The following UPB1 variants were observed in gnomAD, a reference collection of about 807,000 sequenced individuals.
UPB1 encodes beta-ureidopropionase.
Under a neutral mutation model 49.1 loss-of-function variants are expected in UPB1, and 40 were observed. That is an observed-to-expected ratio of 0.81 (90% CI 0.63 to 1.06). The LOEUF (loss-of-function observed/expected upper bound fraction) is 1.06. Ranked by LOEUF, UPB1 falls within the 50% of genes least tolerant of loss-of-function variation. The pLI is 0.00. For missense variants in UPB1, 499 were observed against 505.9 expected (o/e 0.99, Z 0.13); for synonymous variants, 207 against 198.2 (o/e 1.04, Z -0.38).
chr22:24,523,595 A>T, intron 8 of UPB1, 24 bp from the exon 9 acceptor site: 1 of 1,614,056 alleles, frequency 6.2e-7, no homozygotes, highest in Non-Finnish European at 8.5e-7. Context: ...AAGCTCACAG[A>T]TGTGTTTCTT....
At chr22:24,521,117 G>T (rs539957189) in intron 7 of UPB1, among the ~76,000 whole-genome samples, 6 of 150,034 alleles carry the variant, frequency 4.0e-5, no homozygotes, top group African/African-American at 1.5e-4. Context: ...AGGAGGCAGA[G>T]GTTGCAGTAA....
rs1296082673 is a variant in UPB1, at chr22:24,504,949, C to CAGATTTG, written c.364+2738_364+2739insATTTGAG. ...TTGTAAAGATGAGATCTGTGTTGCC[C>CAGATTTG]AGGCAGGTCTCAAATTCCTGGGCCC... On this transcript the variant is annotated intron_variant, in intron 3 of 9. Transcript: ENST00000326010. Among the ~76,000 whole-genome samples, 6 of 147,588 alleles carry CAGATTTG rather than the reference C, an allele frequency of 4.1e-5. No homozygotes were observed. In the East Asian group the frequency reaches 1.2e-3, roughly 29 times the overall value.
chr22:24,523,584 C>T (rs561120608), intron 8 of UPB1, 35 bp from the exon 9 acceptor site: 1 of 1,613,906 alleles, frequency 6.2e-7, no homozygotes, highest in Non-Finnish European at 8.5e-7. Flanking sequence ...TGCATCTACA[C>T]AAGCTCACAG....
chr22:24,495,343 C>G lies in UPB1; in HGVS notation c.-61C>G, dbSNP rs575811957. ...GCCTGACCGGGCCTGGGCACCTCCT[C>G]CCACTGCGGGCAAAGGGCAGGCAGT... On this transcript the variant is annotated 5_prime_UTR_variant, in exon 1 of 10. Coordinates refer to ENST00000326010, the MANE Select transcript of UPB1 (RefSeq NM_016327.3). 6 of 1,582,600 alleles carry G rather than the reference C, an allele frequency of 3.8e-6. No homozygotes were observed. The highest frequency in any genetic ancestry group is 5.2e-6 in the Non-Finnish European group (6 of 1,158,090).
chr22:24,518,867 T>A (rs548803900), intron 6 of UPB1, among the ~76,000 whole-genome samples: 1 of 152,158 alleles, frequency 6.6e-6, no homozygotes, highest in Non-Finnish European at 1.5e-5. Flanking sequence ...TTTTTAGGGG[T>A]GTGTGTGCAC....
At chr22:24,503,260 A>C (rs544730591) in intron 3 of UPB1, 27 of 152,318 alleles carry the variant, frequency 1.8e-4, no homozygotes, top group Admixed American at 1.6e-3. Flanking sequence ...ATCTCCTCCA[A>C]GGAATCTGCC....
chr22:24,509,262 C>A (rs898065635), intron 3 of UPB1, among the ~76,000 whole-genome samples: 1 of 151,378 alleles, frequency 6.6e-6, no homozygotes, highest in African/African-American at 2.4e-5. Flanking sequence ...CCAGCGGAGT[C>A]CCCTCCATCC....
At chr22:24,499,369 G>A (rs1246036336) in intron 1 of UPB1, among the ~76,000 whole-genome samples, 1 of 152,204 alleles carries the variant, frequency 6.6e-6, no homozygotes, top group African/African-American at 2.4e-5. Context: ...CCATGCCTCT[G>A]TGGCTTTCAC....
chr22:24,521,471 G>A (rs760527488), intron 7 of UPB1, among the ~76,000 whole-genome samples: 8 of 152,112 alleles, frequency 5.3e-5, no homozygotes, highest in East Asian at 1.9e-4. Flanking sequence ...ATGAAACTCC[G>A]TCTCCAAAAT....
rs753442714 is a variant in UPB1, at chr22:24,495,350, C to T, written c.-54C>T. The T allele has an allele frequency of 5.0e-5, 80 of 1,593,464 alleles. No individual in the cohort carries two copies. In the Middle Eastern group the frequency reaches 7.0e-4, roughly 14 times the overall value. ...CGGGCCTGGGCACCTCCTCCCACTG[C>T]GGGCAAAGGGCAGGCAGTTCGTGCG... On this transcript the variant is annotated 5_prime_UTR_variant, in exon 1 of 10. Transcript: ENST00000326010.
intron 3 of UPB1, among the ~76,000 whole-genome samples, chr22:24,507,549 A>C (rs2044112542): frequency 6.6e-6 from 1 of 152,204 alleles, no homozygotes; most frequent in Admixed American, 6.5e-5. Flanking sequence ...GTTATAAAGA[A>C]ATACTTTTTA....
intron 8 of UPB1, 129 bp downstream of exon 8, chr22:24,522,157 C>T: frequency 9.2e-7 from 1 of 1,091,506 alleles, no homozygotes; most frequent in Non-Finnish European, 1.4e-6. Context: ...GGAGGAGGCG[C>T]CAATTCCTCT....
Position 24,498,768 on chromosome 22 carries a change from GA to G in UPB1, c.105-1338del, listed in dbSNP as rs2043936345. On this transcript the variant is annotated intron_variant, in intron 1 of 9. Coordinates refer to ENST00000326010, the MANE Select transcript of UPB1 (RefSeq NM_016327.3). ...TTCACCTGACATTTTCCTGGTGTGA[GA>G]CCACAGGCTGAGAGGCCAGGCAGGG... is the stretch of plus-strand genomic sequence containing the variant. Among the ~76,000 whole-genome samples the G allele has an allele frequency of 2.0e-5, 3 of 152,350 alleles. No individual in the cohort carries two copies. The South Asian group carries it at 6.2e-4, about 32-fold the overall frequency.
chr22:24,515,507 C>T (rs1049986104), intron 6 of UPB1, 137 bp downstream of exon 6: 45 of 1,133,878 alleles, frequency 4.0e-5, no homozygotes, highest in Non-Finnish European at 5.4e-5. Flanking sequence ...CCCAGGATTG[C>T]ATGTTGTACA....
At chr22:24,502,580 A>T (rs187209183) in intron 3 of UPB1, 1 of 765,710 alleles carries the variant, frequency 1.3e-6, no homozygotes, top group African/African-American at 1.7e-5. Context: ...CAGCCCCCCC[A>T]TCTAAACATC....
intron 3 of UPB1, among the ~76,000 whole-genome samples, chr22:24,509,663 C>T (rs1410424184): frequency 4.6e-5 from 7 of 152,166 alleles, no homozygotes; most frequent in Non-Finnish European, 2.9e-5. Context: ...TGCCACCCTG[C>T]AGATTGGCCA....
intron 6 of UPB1, among the ~76,000 whole-genome samples, chr22:24,518,918 C>T (rs571276642): frequency 2.6e-5 from 4 of 152,282 alleles, no homozygotes; most frequent in African/African-American, 7.2e-5. Context: ...CCCCATCAGA[C>T]GTCATGATTC....
At chr22:24,514,566 C>T (rs60756373) in intron 5 of UPB1, among the ~76,000 whole-genome samples, 3,417 of 152,250 alleles carry the variant, frequency 0.022, 152 homozygotes, top group African/African-American at 0.078. Flanking sequence ...CTGTCCAGGA[C>T]AGTGTCCCTG....
intron 3 of UPB1, chr22:24,502,780 C>A: frequency 2.0e-6 from 1 of 503,824 alleles, no homozygotes; most frequent in Non-Finnish European, 3.5e-6. Context: ...TTTGCATCAC[C>A]TATTGACTTC....
Sources: gnomAD v4.1 joint callset for allele counts (sites outside exome capture counted in the v4.1 genomes callset) on GRCh38, gnomAD v4.1.1 for gene constraint, MANE v1.5 for transcripts, NCBI Gene and HGNC (gene_info 2026-07-23, HGNC 2026-07-21) for gene names.